PDZD8: variants seen among roughly 807,000 people sequenced by gnomAD.
PDZD8 encodes the protein PDZ domain-containing protein 8.
In PDZD8, 14 loss-of-function variants were observed where a neutral mutation model predicts 85.8. The ratio of observed to expected loss-of-function variants is 0.16; its 90% CI spans 0.11 to 0.26. The LOEUF (loss-of-function observed/expected upper bound fraction) is 0.26. PDZD8 is among the 10% of genes least tolerant of loss of function. The probability of loss-of-function intolerance (pLI) is 1.00; values close to 1 mark genes in which losing one functional copy is unlikely to be tolerated. For missense variants in PDZD8, 1,197 were observed against 1,424.3 expected (o/e 0.84, Z 2.57); for synonymous variants, 592 against 568.6 (o/e 1.04, Z -0.59).
intron 2 of PDZD8, among the ~76,000 whole-genome samples, chr10:117,320,743 A>T (rs892907207): frequency 1.3e-5 from 2 of 152,198 alleles, no homozygotes; most frequent in Non-Finnish European, 2.9e-5. Context: ...AGAATGGGAG[A>T]AAATGTTTGC....
chr10:117,319,421 ACACACACACACACT>A (rs764158914), intron 2 of PDZD8, among the ~76,000 whole-genome samples: 1,264 of 104,338 alleles, frequency 0.012, 24 homozygotes, highest in African/African-American at 0.033. Context: ...ACACACACAC[ACACACACACACACT>A]CTTCATCTAC....
intron 1 of PDZD8, among the ~76,000 whole-genome samples, chr10:117,343,075 C>CA (rs5788225): frequency 0.77 from 116,894 of 152,076 alleles, 45,587 homozygotes; most frequent in Non-Finnish European, 0.85. Flanking sequence ...CATCCATCAT[C>CA]CATACCTGAC....
Position 117,324,701 on chromosome 10 carries a change from C to T in PDZD8, c.996-5727G>A, listed in dbSNP as rs115663254. 6.8e-3 allele frequency among the ~76,000 whole-genome samples: 1,035 copies of T among 152,306 alleles called. 7 individuals carry two copies. The highest frequency in any genetic ancestry group is 0.044 in the Middle Eastern group (13 of 294). On this transcript the variant is annotated intron_variant, in intron 2 of 4. Transcript: ENST00000334464. ...GCTTCATGAAACTGCTAACCAAGAT[C>T]TGGCAGAATAAGAATAAATTACACG...
At chr10:117,357,504 G>A (rs367946072) in intron 1 of PDZD8, among the ~76,000 whole-genome samples, 11 of 152,034 alleles carry the variant, frequency 7.2e-5, no homozygotes, top group Non-Finnish European at 1.5e-4. Flanking sequence ...AGTGGCTCAC[G>A]CCTGTAATCC....
intron 3 of PDZD8, among the ~76,000 whole-genome samples, chr10:117,309,923 C>T (rs1844008226): frequency 6.6e-6 from 1 of 152,150 alleles, no homozygotes; most frequent in African/African-American, 2.4e-5. Flanking sequence ...TCAAATCCAG[C>T]TCTCAATCTG....
chr10:117,299,161 C>A (rs2133777516), intron 3 of PDZD8, among the ~76,000 whole-genome samples: 1 of 152,254 alleles, frequency 6.6e-6, no homozygotes, highest in Middle Eastern at 3.4e-3. Flanking sequence ...CGTTTTCACT[C>A]AAAATCTTTA....
chr10:117,347,525 T>A (rs529049237), intron 1 of PDZD8, among the ~76,000 whole-genome samples: 1 of 152,318 alleles, frequency 6.6e-6, no homozygotes, highest in East Asian at 1.9e-4. Flanking sequence ...GTACCCCTGA[T>A]CACCTTGGGC....
intron 2 of PDZD8, among the ~76,000 whole-genome samples, chr10:117,336,011 A>C (rs1341400166): frequency 1.3e-5 from 2 of 152,256 alleles, no homozygotes; most frequent in Non-Finnish European, 2.9e-5. Context: ...GCTTAGGACC[A>C]GGAGTGCTTC....
intron 1 of PDZD8, among the ~76,000 whole-genome samples, chr10:117,350,638 TCACGCCTGTAATCCCAG>T (rs1844789928): frequency 1.3e-5 from 2 of 150,282 alleles, no homozygotes; most frequent in South Asian, 4.3e-4. Flanking sequence ...GCGCGGTGGC[TCACGCCTGTAATCCCAG>T]CACTTTGGGA....
intron 2 of PDZD8, among the ~76,000 whole-genome samples, chr10:117,337,772 A>C (rs1360220671): frequency 1.3e-5 from 2 of 152,172 alleles, no homozygotes; most frequent in Admixed American, 1.3e-4. Flanking sequence ...ATTACCAGCA[A>C]AGTAGCTCCC....
intron 1 of PDZD8, among the ~76,000 whole-genome samples, chr10:117,357,415 T>C (rs1371794678): frequency 2.6e-5 from 4 of 151,734 alleles, no homozygotes; most frequent in Non-Finnish European, 5.9e-5. Context: ...TCAGGATACA[T>C]TGTTGAACAG....
chr10:117,367,144 A>C (rs1211043867), intron 1 of PDZD8, among the ~76,000 whole-genome samples: 3 of 152,124 alleles, frequency 2.0e-5, no homozygotes, highest in African/African-American at 7.2e-5. Flanking sequence ...CAGGGTGTGA[A>C]TCACACCTGT....
intron 1 of PDZD8, among the ~76,000 whole-genome samples, chr10:117,371,146 G>T (rs1845182796): frequency 6.6e-6 from 1 of 152,102 alleles, no homozygotes; most frequent in South Asian, 2.1e-4. Context: ...TCTGAAACTT[G>T]AATCAGTCCC....
chr10:117,283,794 C>T lies in PDZD8; in HGVS notation c.2939G>A (p.Ser980Asn), dbSNP rs866496450. 6.2e-7 allele frequency: 1 copy of T among 1,614,250 alleles called. No homozygotes were observed. The highest frequency in any genetic ancestry group is 1.6e-4 in the Middle Eastern group (1 of 6,062). The change falls in exon 5 of 5, where the codon AGT (serine) becomes AAT (asparagine). Residue 980 changes from serine (S) to asparagine (N), a missense_variant. Ser to Asn is a conservative substitution (Grantham distance 46). Transcript: ENST00000334464. ...GTTTGGACCACAGACCTCCGTGTCACTGCCTTCGTTGTCTGACGTGTTGGG... is the reference window on the plus strand; with the variant it reads ...GTTTGGACCACAGACCTCCGTGTCATTGCCTTCGTTGTCTGACGTGTTGGG... ...HTPNTSDNEGSDTEVCGPNSP... is the reference protein window; with the variant it reads ...HTPNTSDNEGNDTEVCGPNSP...
intron 2 of PDZD8, among the ~76,000 whole-genome samples, chr10:117,329,767 A>G (rs533414166): frequency 1.4e-4 from 22 of 151,802 alleles, no homozygotes; most frequent in Admixed American, 1.0e-3. Context: ...GCAACATGGC[A>G]AAACTCTGTC....
chr10:117,372,877 C>T (rs1845218114), intron 1 of PDZD8, among the ~76,000 whole-genome samples: 1 of 152,134 alleles, frequency 6.6e-6, no homozygotes, highest in African/African-American at 2.4e-5. Context: ...GTCAATAATC[C>T]ATTCCAAACC....
intron 3 of PDZD8, among the ~76,000 whole-genome samples, chr10:117,309,653 C>T (rs1844002083): frequency 6.6e-6 from 1 of 152,192 alleles, no homozygotes; most frequent in East Asian, 1.9e-4. Context: ...TTTCATTACC[C>T]CTCACCTCTA....
chr10:117,324,232 A>AAAAAC (rs1278760915), intron 2 of PDZD8, among the ~76,000 whole-genome samples: 1 of 146,096 alleles, frequency 6.8e-6, no homozygotes, highest in African/African-American at 2.7e-5. Flanking sequence ...AAAAAAAAAA[A>AAAAAC]AAGACAAGAG....
At chr10:117,324,065 T>G (rs371237920) in intron 2 of PDZD8, among the ~76,000 whole-genome samples, 39 of 151,654 alleles carry the variant, frequency 2.6e-4, no homozygotes, top group African/African-American at 9.5e-4. Flanking sequence ...CTGTCTCTAC[T>G]AAAAATACAA....
Sources: gnomAD v4.1 joint callset for allele counts (sites outside exome capture counted in the v4.1 genomes callset) on GRCh38, gnomAD v4.1.1 for gene constraint, MANE v1.5 for transcripts, NCBI Gene and HGNC (gene_info 2026-07-23, HGNC 2026-07-21) for gene names.